MET: variants seen among roughly 807,000 people sequenced by gnomAD.
MET encodes the protein hepatocyte growth factor receptor.
MET carries 48 observed loss-of-function variants against 133.1 expected under a neutral mutation model. That is an observed-to-expected ratio of 0.36 (90% CI 0.29 to 0.46). The LOEUF is 0.46. Among genes scored for constraint, MET ranks in the 20% least tolerant of loss-of-function variants. The pLI is 1.00. For synonymous variants in MET, 628 were observed against 616.5 expected (o/e 1.02, Z -0.28); for missense variants, 1,442 against 1,695.9 (o/e 0.85, Z 2.63).
At position 116,699,835 on chromosome 7, in the gene MET, C is replaced by T. The variant is rs2116596898; in HGVS notation, c.751C>T (p.His251Tyr). 1 of 1,614,080 alleles carries T rather than the reference C, an allele frequency of 6.2e-7. No individual in the cohort carries two copies. The highest frequency in any genetic ancestry group is 8.5e-7 in the Non-Finnish European group (1 of 1,179,964). The change falls in exon 2 of 21, where the codon CAT becomes TAT. Residue 251 changes from histidine to tyrosine, a missense_variant. Transcript: ENST00000397752. The stretch of plus-strand genomic sequence containing the variant: ...AGATTCTTACCCCATTAAGTATGTC[C>T]ATGCCTTTGAAAGCAACAATTTTAT... Reference protein sequence around the residue: ...FRDSYPIKYVHAFESNNFIYF... With the variant: ...FRDSYPIKYVYAFESNNFIYF...
chr7:116,700,891 T>A (rs1386875834), intron 2 of MET, among the ~76,000 whole-genome samples: 1 of 152,106 alleles, frequency 6.6e-6, no homozygotes, highest in African/African-American at 2.4e-5. Flanking sequence ...CCTGTAAGAG[T>A]AGAGAGGAAA....
chr7:116,783,997 G>C (rs1217053924), intron 19 of MET, among the ~76,000 whole-genome samples: 1 of 152,218 alleles, frequency 6.6e-6, no homozygotes, highest in African/African-American at 2.4e-5. Flanking sequence ...GAGGCTGGGA[G>C]AAATACTCAC....
Position 116,699,831 on chromosome 7 carries a change from T to A in MET, c.747T>A (p.Tyr249Ter), listed in dbSNP as rs2116596810. Residue 249 changes from tyrosine (Y) to a stop codon, truncating the protein, a stop_gained, in exon 2 of 21, where the codon TAT becomes TAA. Transcript: ENST00000397752. LOFTEE classifies it high-confidence loss of function. Reference protein sequence around the residue: ...PEFRDSYPIKYVHAFESNNFI... With the variant: ...PEFRDSYPIK ...TCAGAGATTCTTACCCCATTAAGTA[T>A]GTCCATGCCTTTGAAAGCAACAATT... The A allele has an allele frequency of 6.2e-7, 1 of 1,614,150 alleles. No individual in the cohort carries two copies. Among genetic ancestry groups the A allele is most frequent in the Non-Finnish European group, 8.5e-7 (1 of 1,179,982 alleles).
At chr7:116,724,913 T>G in intron 2 of MET, 1 of 1,220,414 alleles carries the variant, frequency 8.2e-7, no homozygotes, top group East Asian at 5.7e-5. Flanking sequence ...CATGAATTAA[T>G]ATTTGTAAAA....
chr7:116,742,390 C>T (rs979399728), intron 5 of MET, among the ~76,000 whole-genome samples: 1 of 152,088 alleles, frequency 6.6e-6, no homozygotes, highest in East Asian at 1.9e-4. Context: ...CTTTTGGAAC[C>T]GTATGCAATT....
At chr7:116,726,307 G>T (rs749069628) in intron 2 of MET, among the ~76,000 whole-genome samples, 1 of 149,836 alleles carries the variant, frequency 6.7e-6, no homozygotes, top group Non-Finnish European at 1.5e-5. Context: ...AACAACAATT[G>T]TAAGTCATGT....
chr7:116,689,093 T>G (rs1796680763), intron 1 of MET, among the ~76,000 whole-genome samples: 1 of 141,222 alleles, frequency 7.1e-6, no homozygotes, highest in Non-Finnish European at 1.6e-5. Flanking sequence ...TGGGAATACC[T>G]TTTCTGTTTC....
Position 116,795,914 on chromosome 7 carries a change from C to A in MET, c.3963C>A (p.His1321Gln), listed in dbSNP as rs767267441. ...ATGAAGTAATGCTAAAATGCTGGCA[C>A]CCTAAAGCCGAAATGCGCCCATCCT... The part of the protein sequence containing the change: ...PLYEVMLKCW[H>Q]PKAEMRPSFS... The change falls in exon 21 of 21, where the codon CAC (histidine) becomes CAA (glutamine). Residue 1321 changes from histidine (H) to glutamine (Q), a missense_variant. Transcript: ENST00000397752. 1 of 1,614,186 alleles carries A rather than the reference C, an allele frequency of 6.2e-7. No individual in the cohort carries two copies. The highest frequency in any genetic ancestry group is 8.5e-7 in the Non-Finnish European group (1 of 1,180,026).
Position 116,739,692 on chromosome 7 carries a change from A to G in MET, c.1393-258A>G, listed in dbSNP as rs570043311. Reference sequence around the variant, plus strand: ...AGGGATTTGTCTGTATGTGCTGCCAATTGATTGAAAGATCTCTTTCCCTTG... The same window carrying G: ...AGGGATTTGTCTGTATGTGCTGCCAGTTGATTGAAAGATCTCTTTCCCTTG... On this transcript the variant is annotated intron_variant, in intron 3 of 20. Coordinates refer to ENST00000397752, the MANE Select transcript of MET (RefSeq NM_000245.4). 5.3e-5 allele frequency among the ~76,000 whole-genome samples: 8 copies of G among 152,232 alleles called. No homozygotes were observed. In the South Asian group the frequency reaches 1.2e-3, roughly 24 times the overall value.
Position 116,783,475 on chromosome 7 carries a change from G to A in MET, c.3798+6G>A, listed in dbSNP as rs2117067806. The A allele has an allele frequency of 6.2e-7, 1 of 1,614,052 alleles. No homozygotes were observed. The highest frequency in any genetic ancestry group is 1.1e-5 in the South Asian group (1 of 91,078). On this transcript the variant is annotated splice_donor_region_variant and intron_variant, in intron 19 of 20. Coordinates refer to ENST00000397752, the MANE Select transcript of MET (RefSeq NM_000245.4). ...TTACCACCAAGTCAGATGTGGTAATGTATTGGTTATCTCTGAGTTTCTCCT... is the reference window on the plus strand; with the variant it reads ...TTACCACCAAGTCAGATGTGGTAATATATTGGTTATCTCTGAGTTTCTCCT...
intron 5 of MET, among the ~76,000 whole-genome samples, chr7:116,748,806 C>T (rs986745488): frequency 1.3e-5 from 2 of 152,150 alleles, no homozygotes; most frequent in African/African-American, 4.8e-5. Flanking sequence ...TACAAACTAC[C>T]ATCAGAGAAT....
At chr7:116,673,632 A>G (rs981487430) in intron 1 of MET, among the ~76,000 whole-genome samples, 1 of 152,194 alleles carries the variant, frequency 6.6e-6, no homozygotes, top group Non-Finnish European at 1.5e-5. Context: ...ATTCAGAAAA[A>G]CATTATATTC....
chr7:116,754,996 G>GAAAGAAAGAAAGAA (rs1794110378), intron 5 of MET, among the ~76,000 whole-genome samples: 1 of 145,814 alleles, frequency 6.9e-6, no homozygotes, highest in African/African-American at 2.6e-5. Context: ...AAGAAAGAAA[G>GAAAGAAAGAAAGAA]AAAGAAAGAA....
chr7:116,718,636 TC>T (rs1264139877), intron 2 of MET, among the ~76,000 whole-genome samples: 43 of 98,570 alleles, frequency 4.4e-4, no homozygotes, highest in Middle Eastern at 5.1e-3. Context: ...ATGCTATCCC[TC>T]CCCCCTCCCC....
At chr7:116,755,288 G>T (rs549454527) in intron 5 of MET, 67 bp from the exon 6 acceptor site, 2 of 1,548,224 alleles carry the variant, frequency 1.3e-6, no homozygotes, top group Non-Finnish European at 1.8e-6. Flanking sequence ...TTGTTTGTTC[G>T]TTTTCCATAT....
chr7:116,712,084 C>G (rs186521391), intron 2 of MET, among the ~76,000 whole-genome samples: 2 of 152,196 alleles, frequency 1.3e-5, no homozygotes, highest in Non-Finnish European at 2.9e-5. Flanking sequence ...CTGTCCTACA[C>G]GCAACCTGTC....
intron 3 of MET, among the ~76,000 whole-genome samples, chr7:116,733,642 T>C (rs931275405): frequency 6.6e-6 from 1 of 152,228 alleles, no homozygotes; most frequent in African/African-American, 2.4e-5. Context: ...AAAGAAACTA[T>C]ATTTTGCCTA....
At chr7:116,739,520 A>C (rs1002940599) in intron 3 of MET, among the ~76,000 whole-genome samples, 1 of 152,228 alleles carries the variant, frequency 6.6e-6, no homozygotes, top group Non-Finnish European at 1.5e-5. Flanking sequence ...CTCCGCGTCC[A>C]CTACTCTTAA....
At chr7:116,690,432 T>A (rs1339295749) in intron 1 of MET, among the ~76,000 whole-genome samples, 1 of 152,174 alleles carries the variant, frequency 6.6e-6, no homozygotes, top group Non-Finnish European at 1.5e-5. Context: ...GTCTCCAGAA[T>A]GTTTTGGGCT....
Sources: allele counts gnomAD v4.1 joint callset (sites outside exome capture counted in the v4.1 genomes callset), GRCh38; gene constraint gnomAD v4.1.1; transcripts MANE v1.5; gene names NCBI Gene and HGNC (gene_info 2026-07-23, HGNC 2026-07-21).